The following PILRA variants were observed in gnomAD, a reference collection of about 807,000 sequenced individuals.
The protein encoded by PILRA is paired immunoglobulin-like type 2 receptor alpha.
A neutral mutation model predicts 33.1 loss-of-function variants in PILRA; 37 were observed. The ratio of observed to expected loss-of-function variants is 1.12; its 90% CI spans 0.86 to 1.47. PILRA has a LOEUF of 1.47. Ranked by LOEUF, PILRA falls within the 40% of genes most tolerant of loss-of-function variation. PILRA has a pLI of 0.00. For missense variants in PILRA, 312 were observed against 376.2 expected, an observed-to-expected ratio of 0.83 and a Z score of 1.41; for synonymous variants, 146 against 149.9, an observed-to-expected ratio of 0.97 and a Z score of 0.19.
At chr7:100,391,651 C>T (rs891247407) in intron 3 of PILRA, among the ~76,000 whole-genome samples, 1 of 152,210 alleles carries the variant, frequency 6.6e-6, no homozygotes, top group Non-Finnish European at 1.5e-5. Flanking sequence ...TGTGCCACTA[C>T]ACTGCAGCCT....
chr7:100,381,040 G>A (rs1166962063), intron 2 of PILRA, among the ~76,000 whole-genome samples: 1 of 151,996 alleles, frequency 6.6e-6, no homozygotes, highest in East Asian at 1.9e-4. Context: ...GCTGAGGCGG[G>A]TGGATCACGA....
chr7:100,378,037 G>A (rs770092550), intron 2 of PILRA, among the ~76,000 whole-genome samples: 2 of 152,086 alleles, frequency 1.3e-5, no homozygotes, highest in East Asian at 1.9e-4. Context: ...CATCTCAAAC[G>A]TATTACTCCT....
In PILRA at chr7:100,374,338, A is replaced by G; in HGVS notation, c.359A>G (p.Gln120Arg). 6.2e-7 allele frequency: 1 copy of G among 1,614,072 alleles called. No homozygotes were observed. Among genetic ancestry groups the G allele is most frequent in the Non-Finnish European group, 8.5e-7 (1 of 1,179,994 alleles). The change falls in exon 2 of 7, where the codon CAG becomes CGG. Residue 120 changes from glutamine (Q) to arginine (R), a missense_variant. Coordinates refer to ENST00000198536, the MANE Select transcript of PILRA (RefSeq NM_013439.3). ...LRISNLQKQD[Q>R]SVYFCRVELD... The stretch of plus-strand genomic sequence containing the variant: ...ATCTCCAACCTGCAGAAGCAGGACC[A>G]GTCTGTGTATTTCTGCCGAGTTGAG...
chr7:100,375,295 A>G (rs1036715068), intron 2 of PILRA, among the ~76,000 whole-genome samples: 5 of 152,194 alleles, frequency 3.3e-5, no homozygotes, highest in African/African-American at 1.2e-4. Flanking sequence ...CTTCGTGTGC[A>G]TTGCCCTAGT....
intron 2 of PILRA, among the ~76,000 whole-genome samples, chr7:100,385,082 A>G (rs983116074): frequency 5.9e-5 from 9 of 152,330 alleles, no homozygotes; most frequent in South Asian, 4.1e-4. Context: ...CTCCATGTCA[A>G]TAGTAGGAAG....
chr7:100,397,940 T>G (rs376464842), intron 4 of PILRA, 28 bp downstream of exon 4: 21 of 1,611,700 alleles, frequency 1.3e-5, no homozygotes, highest in Non-Finnish European at 1.8e-5. Flanking sequence ...CCAGGGTGGG[T>G]TGGGGGGTGC....
At chr7:100,391,925 A>G (rs1217407400) in intron 3 of PILRA, among the ~76,000 whole-genome samples, 1 of 152,202 alleles carries the variant, frequency 6.6e-6, no homozygotes, top group Non-Finnish European at 1.5e-5. Flanking sequence ...ACACATTTAC[A>G]GTTCAAAAGA....
intron 3 of PILRA, 151 bp downstream of exon 3, chr7:100,390,257 T>A: frequency 4.5e-6 from 3 of 671,130 alleles, no homozygotes; most frequent in Non-Finnish European, 7.7e-6. Flanking sequence ...CTGAGGTGTC[T>A]GCATTTGTGA....
chr7:100,375,067 C>T (rs1790914679), intron 2 of PILRA, among the ~76,000 whole-genome samples: 1 of 152,290 alleles, frequency 6.6e-6, no homozygotes, highest in African/African-American at 2.4e-5. Flanking sequence ...TATCATATCC[C>T]TCTCTTCCTG....
chr7:100,386,530 G>A (rs562898783), intron 2 of PILRA, among the ~76,000 whole-genome samples: 2 of 151,874 alleles, frequency 1.3e-5, no homozygotes, highest in South Asian at 4.2e-4. Flanking sequence ...CAAAAATTTT[G>A]GTTTTGAGAC....
intron 5 of PILRA, 78 bp from the exon 6 acceptor site, chr7:100,399,503 T>G (rs890383903): frequency 6.5e-7 from 1 of 1,548,538 alleles, no homozygotes; most frequent in African/African-American, 1.4e-5. Context: ...ATAACCTCAC[T>G]CCTAGAGCCC....
In PILRA at chr7:100,391,186, T is replaced by TAA. The variant is rs1388825913; in HGVS notation, c.673+1080_673+1081insAA. Among the ~76,000 whole-genome samples the TAA allele has an allele frequency of 4.3e-3, 571 of 133,720 alleles. 3 individuals carry two copies. Among genetic ancestry groups the TAA allele is most frequent in the South Asian group, 0.015 (66 of 4,438 alleles). 87.7% of individuals were successfully genotyped at this position (133,720 alleles called of 152,430 possible). On this transcript the variant is annotated intron_variant, in intron 3 of 6. Coordinates refer to ENST00000198536, the MANE Select transcript of PILRA (RefSeq NM_013439.3). ...ATAACAATAATAATAATAATAATAA[T>TAA]TATTATTATTATTATTATTATTAGC...
intron 1 of PILRA, 55 bp downstream of exon 1, chr7:100,373,775 A>T: frequency 1.2e-6 from 2 of 1,600,476 alleles, no homozygotes; most frequent in Admixed American, 1.7e-5. Flanking sequence ...AGGAGGGGCC[A>T]ACCCGAGACA....
intron 3 of PILRA, among the ~76,000 whole-genome samples, chr7:100,396,562 G>A (rs1791496662): frequency 6.6e-6 from 1 of 152,120 alleles, no homozygotes; most frequent in African/African-American, 2.4e-5. Context: ...TGAGGCAGGA[G>A]AATCGCTTGA....
chr7:100,397,981 A>AG, intron 4 of PILRA, 69 bp downstream of exon 4: 2 of 1,496,624 alleles, frequency 1.3e-6, no homozygotes, highest in East Asian at 4.5e-5. Context: ...TTTGGGAAAC[A>AG]GGGAGTGTGC....
At chr7:100,382,059 C>T (rs1015808194) in intron 2 of PILRA, among the ~76,000 whole-genome samples, 12 of 142,070 alleles carry the variant, frequency 8.4e-5, no homozygotes, top group African/African-American at 1.3e-4. Context: ...CCACGAGGAG[C>T]GCCGCCCCCT....
chr7:100,381,179 T>C (rs1278405883), intron 2 of PILRA, among the ~76,000 whole-genome samples: 1 of 151,822 alleles, frequency 6.6e-6, no homozygotes, highest in African/African-American at 2.4e-5. Flanking sequence ...GGCAGGAGAA[T>C]GGCGCGAACC....
upstream of PILRA, among the ~76,000 whole-genome samples, chr7:100,371,500 C>T (rs142062067): frequency 1.5e-3 from 223 of 152,082 alleles, 2 homozygotes; most frequent in African/African-American, 5.0e-3. Flanking sequence ...GGGGCAGGGA[C>T]GGATGTGGCC....
chr7:100,391,827 G>A (rs1233058673), intron 3 of PILRA, among the ~76,000 whole-genome samples: 1 of 152,188 alleles, frequency 6.6e-6, no homozygotes, highest in Non-Finnish European at 1.5e-5. Context: ...TGCTTGGAGG[G>A]GAACGATGCC....
Sources: allele counts gnomAD v4.1 joint callset (sites outside exome capture counted in the v4.1 genomes callset), GRCh38; gene constraint gnomAD v4.1.1; transcripts MANE v1.5; gene names NCBI Gene and HGNC (gene_info 2026-07-23, HGNC 2026-07-21).